The following BCL11A variants were observed in gnomAD, a reference collection of about 807,000 sequenced individuals.
BCL11A encodes B cell CLL/lymphoma 11A.
BCL11A carries 2 observed loss-of-function variants against 55.9 expected under a neutral mutation model. That is an observed-to-expected ratio of 0.04 (90% CI 0.01 to 0.11). The LOEUF (loss-of-function observed/expected upper bound fraction) is 0.11, where lower values mean the gene tolerates loss of function less well. Ranked by LOEUF, BCL11A falls within the 10% of genes least tolerant of loss-of-function variation. The pLI is 1.00. For synonymous variants in BCL11A, 465 were observed against 473.4 expected (o/e 0.98, Z 0.23); for missense variants, 817 against 1,137.1 (o/e 0.72, Z 4.05).
chr2:60,458,661 C>T lies in BCL11A; in HGVS notation c.*1743G>A, dbSNP rs868699513. ...AATGAGATTGTGTTCAATTTTTTTT[C>T]AGCATTCTTGCAACTTTTCCCTTAA... On this transcript the variant is annotated 3_prime_UTR_variant, in exon 4 of 4. Transcript: ENST00000642384. The T allele has an allele frequency of 1.9e-6, 2 of 1,026,210 alleles. No individual in the cohort carries two copies. The highest frequency in any genetic ancestry group is 2.3e-6 in the Non-Finnish European group (2 of 855,346). The allele number at this position is 1,026,210 out of a possible 1,614,324, so 63.6% of individuals were successfully genotyped here.
chr2:60,507,101 T>G (rs1290481255), intron 2 of BCL11A, among the ~76,000 whole-genome samples: 1 of 151,896 alleles, frequency 6.6e-6, no homozygotes, highest in African/African-American at 2.4e-5. Context: ...GTCTTTGACC[T>G]TAGTCATAAA....
intron 2 of BCL11A, among the ~76,000 whole-genome samples, chr2:60,487,377 AG>A (rs1277472817): frequency 6.6e-6 from 1 of 152,104 alleles, no homozygotes; most frequent in African/African-American, 2.4e-5. Flanking sequence ...AAAATTCAGC[AG>A]GGGGAGCAGT....
chr2:60,540,813 G>A (rs377538566), intron 2 of BCL11A, among the ~76,000 whole-genome samples: 11 of 152,138 alleles, frequency 7.2e-5, no homozygotes, highest in African/African-American at 2.4e-4. Flanking sequence ...TCCAGCCCAT[G>A]TGCAGCTCCA....
At chr2:60,502,210 C>T (rs1310523925) in intron 2 of BCL11A, among the ~76,000 whole-genome samples, 1 of 152,212 alleles carries the variant, frequency 6.6e-6, no homozygotes, top group Non-Finnish European at 1.5e-5. Flanking sequence ...CAGGTCCCTC[C>T]AAATGAGCTT....
At chr2:60,467,153 G>GTGGTGGTGGTGGTGATGA (rs1558618283) in intron 3 of BCL11A, among the ~76,000 whole-genome samples, 4 of 131,572 alleles carry the variant, frequency 3.0e-5, no homozygotes, top group Non-Finnish European at 6.3e-5. Context: ...GGTGATGGTG[G>GTGGTGGTGGTGGTGATGA]TGGTGGTGGT....
intron 2 of BCL11A, among the ~76,000 whole-genome samples, chr2:60,497,170 T>G (rs1160960108): frequency 6.6e-6 from 1 of 152,208 alleles, no homozygotes; most frequent in Admixed American, 6.5e-5. Context: ...CCTTGCAGCC[T>G]TCCTTTTCTC....
rs140585564 is a variant in BCL11A at position 60,475,615 on chromosome 2, G to A, written c.386-6782C>T. Among the ~76,000 whole-genome samples, 542 of 152,184 alleles carry A rather than the reference G, an allele frequency of 3.6e-3. 5 individuals are homozygous for A. The highest frequency in any genetic ancestry group is 0.012 in the African/African-American group (502 of 41,516). On this transcript the variant is annotated intron_variant, in intron 2 of 3. Transcript: ENST00000642384. ...ACTTTGTCTCTTCAATCATCAACTT[G>A]ACCATCCCTCCAAATTTCCCCTCTT... is the stretch of plus-strand genomic sequence containing the variant.
At chr2:60,548,774 T>C (rs1409764174) in intron 1 of BCL11A, among the ~76,000 whole-genome samples, 1 of 152,194 alleles carries the variant, frequency 6.6e-6, no homozygotes, top group Non-Finnish European at 1.5e-5. Flanking sequence ...GTTTTTATCA[T>C]TGCTGGTATA....
chr2:60,450,787 C>A (rs910286772), downstream of BCL11A: 1 of 152,282 alleles, frequency 6.6e-6, no homozygotes, highest in Non-Finnish European at 1.5e-5. Context: ...GGCAAGGAGG[C>A]TGCAACCTCC....
At chr2:60,529,760 T>C (rs1669364607) in intron 2 of BCL11A, among the ~76,000 whole-genome samples, 1 of 152,368 alleles carries the variant, frequency 6.6e-6, no homozygotes, top group South Asian at 2.1e-4. Context: ...TCACATTTTA[T>C]ATAGATGTGC....
At chr2:60,516,784 A>G (rs1327755293) in intron 2 of BCL11A, among the ~76,000 whole-genome samples, 1 of 152,256 alleles carries the variant, frequency 6.6e-6, no homozygotes, top group Non-Finnish European at 1.5e-5. Context: ...CAAGCAGGAC[A>G]TAAGAGTGCA....
chr2:60,525,196 T>G (rs1669153044), intron 2 of BCL11A: 1 of 152,252 alleles, frequency 6.6e-6, no homozygotes. Flanking sequence ...TACCTGGTTG[T>G]TTGAATTCAA....
chr2:60,471,875 T>C (rs1218424505), intron 2 of BCL11A, among the ~76,000 whole-genome samples: 2 of 152,196 alleles, frequency 1.3e-5, no homozygotes, highest in African/African-American at 4.8e-5. Flanking sequence ...GAATCAGAAA[T>C]TGAGGGTGGG....
chr2:60,540,502 A>C (rs1452556734), intron 2 of BCL11A, among the ~76,000 whole-genome samples: 1 of 152,120 alleles, frequency 6.6e-6, no homozygotes, highest in Non-Finnish European at 1.5e-5. Context: ...GAAAGCCAAA[A>C]TTTGTTTCCT....
Position 60,457,227 on chromosome 2 carries a change from G to A in BCL11A, c.*3177C>T. On this transcript the variant is annotated 3_prime_UTR_variant, in exon 4 of 4. Transcript: ENST00000642384. ...AATTTTTTTTATTTTTTCAATAAAG[G>A]GACAAAATGGGTGTATGAACAGGTT... 1 of 1,009,748 alleles carries A rather than the reference G, an allele frequency of 9.9e-7. No individual in the cohort carries two copies. Among genetic ancestry groups the A allele is most frequent in the Non-Finnish European group, 1.2e-6 (1 of 843,626 alleles). The allele number at this position is 1,009,748 out of a possible 1,614,324, so 62.5% of individuals were successfully genotyped here.
Position 60,461,545 on chromosome 2 carries a change from A to T in BCL11A, c.1367T>A (p.Val456Glu). The T allele has an allele frequency of 6.2e-7, 1 of 1,610,412 alleles. No homozygotes were observed. The highest frequency in any genetic ancestry group is 8.5e-7 in the Non-Finnish European group (1 of 1,179,994). The change falls in exon 4 of 4, where the codon GTG (valine) becomes GAG (glutamate). Residue 456 changes from valine (V) to glutamate (E), a missense_variant. Val to Glu is a moderately radical substitution (Grantham distance 121). Coordinates refer to ENST00000642384, the MANE Select transcript of BCL11A (RefSeq NM_022893.4). ...CTTGAGCGCGCTGCTGGCGCTGCCC[A>T]CCAAGTCGCTGGTGCCGGGTTCCGG... The part of the protein sequence containing the change: ...SSPEPGTSDL[V>E]GSASSALKSV...
chr2:60,513,644 C>T (rs1299094850), intron 2 of BCL11A, among the ~76,000 whole-genome samples: 2 of 152,206 alleles, frequency 1.3e-5, no homozygotes, highest in Non-Finnish European at 2.9e-5. Flanking sequence ...CACTCACACG[C>T]TAAAGTAAAT....
intron 2 of BCL11A, among the ~76,000 whole-genome samples, chr2:60,512,372 T>C (rs909010503): frequency 6.6e-6 from 1 of 152,210 alleles, no homozygotes; most frequent in Non-Finnish European, 1.5e-5. Flanking sequence ...CCTTGGCCTG[T>C]GTCCTTGAGC....
intron 1 of BCL11A, chr2:60,550,913 G>A: frequency 5.1e-6 from 2 of 390,016 alleles, no homozygotes; most frequent in Non-Finnish European, 9.0e-6. Context: ...CGTCTGATCC[G>A]CATCCGGCGC....
Sources: gnomAD v4.1 joint callset for allele counts (sites outside exome capture counted in the v4.1 genomes callset) on GRCh38, gnomAD v4.1.1 for gene constraint, MANE v1.5 for transcripts, NCBI Gene and HGNC (gene_info 2026-07-23, HGNC 2026-07-21) for gene names.